The following ITGBL1 variants were observed in gnomAD, a reference collection of about 807,000 sequenced individuals.
The protein encoded by ITGBL1 is integrin subunit beta like 1, also known as integrin beta-like protein 1.
Under a neutral mutation model 68.5 loss-of-function variants are expected in ITGBL1, and 51 were observed. The ratio of observed to expected loss-of-function variants is 0.74; its 90% CI spans 0.59 to 0.94. The LOEUF (loss-of-function observed/expected upper bound fraction) is 0.94, where lower values mean the gene tolerates loss of function less well. Ranked by LOEUF, ITGBL1 falls within the 40% of genes least tolerant of loss-of-function variation. The pLI is 0.00. For missense variants in ITGBL1, 649 were observed against 647.4 expected (o/e 1.00, Z -0.03); for synonymous variants, 209 against 227.3 (o/e 0.92, Z 0.72).
intron 8 of ITGBL1, among the ~76,000 whole-genome samples, chr13:101,699,908 A>G (rs974733789): frequency 1.3e-5 from 2 of 152,188 alleles, no homozygotes; most frequent in Non-Finnish European, 2.9e-5. Context: ...GACCTCCAGT[A>G]TGGGACACGC....
At chr13:101,685,884 A>G (rs2033743067) in intron 7 of ITGBL1, among the ~76,000 whole-genome samples, 1 of 151,992 alleles carries the variant, frequency 6.6e-6, no homozygotes, top group African/African-American at 2.4e-5. Context: ...AATAATAGCT[A>G]ATAGAAGAAA....
chr13:101,700,600 A>G (rs1200180250), intron 8 of ITGBL1, among the ~76,000 whole-genome samples: 1 of 150,382 alleles, frequency 6.6e-6, no homozygotes, highest in African/African-American at 2.4e-5. Context: ...TCATTTCTCA[A>G]TCCTCTTAAA....
chr13:101,552,229 A>G (rs2049932780), intron 2 of ITGBL1, among the ~76,000 whole-genome samples: 1 of 152,188 alleles, frequency 6.6e-6, no homozygotes, highest in Non-Finnish European at 1.5e-5. Context: ...TCAAGAAAGG[A>G]GATGGGGCAT....
intron 7 of ITGBL1, among the ~76,000 whole-genome samples, chr13:101,653,913 T>C (rs1192340849): frequency 2.7e-5 from 4 of 147,326 alleles, no homozygotes; most frequent in East Asian, 2.0e-4. Context: ...GGTTTCACCA[T>C]GTTGGCCAGG....
chr13:101,532,749 ACT>A (rs1264667600), intron 2 of ITGBL1, among the ~76,000 whole-genome samples: 1 of 152,156 alleles, frequency 6.6e-6, no homozygotes, highest in African/African-American at 2.4e-5. Context: ...CAAAGTAACA[ACT>A]CTAAATAATA....
At chr13:101,601,314 A>G (rs1378778332) in intron 7 of ITGBL1, among the ~76,000 whole-genome samples, 3 of 151,468 alleles carry the variant, frequency 2.0e-5, no homozygotes, top group Non-Finnish European at 4.4e-5. Flanking sequence ...AGTCTATTTG[A>G]TTCTTCTCTC....
At chr13:101,472,208 G>T (rs1186481182) in intron 2 of ITGBL1, among the ~76,000 whole-genome samples, 2 of 152,062 alleles carry the variant, frequency 1.3e-5, no homozygotes, top group African/African-American at 4.8e-5. Flanking sequence ...ATGAGTTAAA[G>T]AACACTGCAC....
rs539959572 is a variant in ITGBL1 at position 101,474,423 on chromosome 13, T to C, written c.316+20323T>C. Reference sequence around the variant, plus strand: ...CAGCAGAACAGTGCACTAAGTAGATTATTAAGTTTCCTGACTCCACGCACT... The same window carrying C: ...CAGCAGAACAGTGCACTAAGTAGATCATTAAGTTTCCTGACTCCACGCACT... On this transcript the variant is annotated intron_variant, in intron 2 of 10. Coordinates refer to ENST00000376180, the MANE Select transcript of ITGBL1 (RefSeq NM_004791.3). Among the ~76,000 whole-genome samples the C allele has an allele frequency of 2.0e-5, 3 of 152,226 alleles. No homozygotes were observed. The South Asian group carries it at 6.2e-4, about 32-fold the overall frequency.
intron 7 of ITGBL1, among the ~76,000 whole-genome samples, chr13:101,661,199 GT>G (rs2033080290): frequency 6.6e-6 from 1 of 151,894 alleles, no homozygotes; most frequent in Non-Finnish European, 1.5e-5. Context: ...AAAGAATATT[GT>G]TTTTCCTGAC....
chr13:101,508,480 G>A (rs1381815303), intron 2 of ITGBL1, among the ~76,000 whole-genome samples: 2 of 152,038 alleles, frequency 1.3e-5, no homozygotes, highest in East Asian at 1.9e-4. Context: ...TAAGAATATG[G>A]TTCTATTTAC....
intron 7 of ITGBL1, among the ~76,000 whole-genome samples, chr13:101,672,862 A>AC (rs764588361): frequency 2.6e-5 from 4 of 152,068 alleles, no homozygotes; most frequent in Non-Finnish European, 4.4e-5. Flanking sequence ...CCAGGTATTT[A>AC]CCCCAGACAA....
At chr13:101,675,519 T>C (rs1004905770) in intron 7 of ITGBL1, among the ~76,000 whole-genome samples, 1 of 152,186 alleles carries the variant, frequency 6.6e-6, no homozygotes, top group Non-Finnish European at 1.5e-5. Context: ...TGTCTTCACA[T>C]GATCTCTTCT....
chr13:101,460,171 C>T (rs903506590), intron 2 of ITGBL1, among the ~76,000 whole-genome samples: 1 of 152,164 alleles, frequency 6.6e-6, no homozygotes, highest in Non-Finnish European at 1.5e-5. Flanking sequence ...TCCGTCTAGC[C>T]CATCTTGGAT....
At chr13:101,637,493 G>GCCCA (rs2032212717) in intron 7 of ITGBL1, among the ~76,000 whole-genome samples, 3 of 151,834 alleles carry the variant, frequency 2.0e-5, no homozygotes, top group Non-Finnish European at 4.4e-5. Flanking sequence ...ACAGGCACGT[G>GCCCA]CCACCACACC....
rs75612713 is a variant in ITGBL1, at chr13:101,577,866, A to C, written c.587-1421A>C. ...TATATAGATGATATATTCTGTACTG[A>C]TTAAATCACTTGACAGCCTTTGCAT... On this transcript the variant is annotated intron_variant, in intron 4 of 10. Transcript: ENST00000376180. Among the ~76,000 whole-genome samples, 1,063 of 152,322 alleles carry C rather than the reference A, an allele frequency of 7.0e-3. 5 individuals are homozygous for C. Among genetic ancestry groups the C allele is most frequent in the Middle Eastern group, 0.02 (6 of 294 alleles).
intron 2 of ITGBL1, among the ~76,000 whole-genome samples, chr13:101,534,579 A>G (rs1468187000): frequency 6.6e-6 from 1 of 152,174 alleles, no homozygotes; most frequent in Admixed American, 6.6e-5. Context: ...GACAGTCACA[A>G]CTGACAGGAC....
intron 7 of ITGBL1, among the ~76,000 whole-genome samples, chr13:101,599,890 T>C (rs890924918): frequency 3.9e-5 from 6 of 152,094 alleles, no homozygotes; most frequent in African/African-American, 1.4e-4. Flanking sequence ...AGCTTTGTTC[T>C]TTTGGCTTAG....
chr13:101,664,731 G>T (rs2033172200), intron 7 of ITGBL1, among the ~76,000 whole-genome samples: 1 of 152,000 alleles, frequency 6.6e-6, no homozygotes, highest in Non-Finnish European at 1.5e-5. Context: ...ATCCATTCTT[G>T]TTTGTTTGGT....
At chr13:101,643,588 A>G (rs956493131) in intron 7 of ITGBL1, among the ~76,000 whole-genome samples, 10 of 152,188 alleles carry the variant, frequency 6.6e-5, no homozygotes, top group Non-Finnish European at 1.3e-4. Flanking sequence ...GTGATCACAG[A>G]ACACAGTTTG....
Sources: allele counts gnomAD v4.1 joint callset (sites outside exome capture counted in the v4.1 genomes callset), GRCh38; gene constraint gnomAD v4.1.1; transcripts MANE v1.5; gene names NCBI Gene and HGNC (gene_info 2026-07-23, HGNC 2026-07-21).